PGM2: variants seen among roughly 807,000 people sequenced by gnomAD.
The protein encoded by PGM2 is phosphopentomutase.
In PGM2, 57 loss-of-function variants were observed where a neutral mutation model predicts 74.6. The observed-to-expected ratio is 0.76, with a 90% CI of 0.62 to 0.95. The LOEUF (loss-of-function observed/expected upper bound fraction) is 0.95. Among genes scored for constraint, PGM2 ranks in the 40% least tolerant of loss-of-function variants. PGM2 has a pLI of 0.00. For synonymous variants in PGM2, 273 were observed against 260.7 expected, an observed-to-expected ratio of 1.05 and a Z score of -0.46; for missense variants, 706 against 741.9, an observed-to-expected ratio of 0.95 and a Z score of 0.56.
intron 12 of PGM2, among the ~76,000 whole-genome samples, chr4:37,850,991 A>AT (rs11404804): frequency 1.1e-3 from 1 of 888 alleles, no homozygotes. Flanking sequence ...ACTTCATCTC[A>AT]AAAAAAAAAA....
intron 1 of PGM2, among the ~76,000 whole-genome samples, chr4:37,829,648 A>C (rs537850684): frequency 6.6e-6 from 1 of 152,190 alleles, no homozygotes; most frequent in Admixed American, 6.5e-5. Context: ...TGAGAACTGG[A>C]ATAATCTGCG....
At chr4:37,839,411 G>A (rs1560414369) in intron 4 of PGM2, 2 of 378,368 alleles carry the variant, frequency 5.3e-6, no homozygotes, top group Non-Finnish European at 5.2e-6. Context: ...CACCACCCCT[G>A]GCCCCTCAGT....
At chr4:37,827,559 C>T (rs1171240824) in intron 1 of PGM2, among the ~76,000 whole-genome samples, 2 of 151,478 alleles carry the variant, frequency 1.3e-5, no homozygotes, top group African/African-American at 4.9e-5. Flanking sequence ...CCCGTTGTGA[C>T]TCATATTTTG....
intron 4 of PGM2, chr4:37,839,420 G>A: frequency 2.6e-6 from 1 of 385,592 alleles, no homozygotes. Context: ...TGGCCCCTCA[G>A]TGTTTTCCTC....
At chr4:37,831,399 G>A (rs1006873079) in intron 2 of PGM2, among the ~76,000 whole-genome samples, 4 of 152,120 alleles carry the variant, frequency 2.6e-5, no homozygotes, top group African/African-American at 7.2e-5. Flanking sequence ...ACAAATCATT[G>A]AAAACATAAT....
chr4:37,860,531 A>C (rs1034484480), intron 13 of PGM2, among the ~76,000 whole-genome samples: 7 of 152,246 alleles, frequency 4.6e-5, no homozygotes, highest in Non-Finnish European at 1.0e-4. Context: ...TAGAGCCAGA[A>C]TTAATGTCTA....
intron 1 of PGM2, among the ~76,000 whole-genome samples, chr4:37,827,498 G>A (rs1725324145): frequency 6.6e-6 from 1 of 151,932 alleles, no homozygotes; most frequent in African/African-American, 2.4e-5. Flanking sequence ...TCTGCTTGCT[G>A]TTAGGTTTTC....
chr4:37,849,782 A>ATTTAT (rs1275460503), intron 11 of PGM2, among the ~76,000 whole-genome samples: 7 of 151,260 alleles, frequency 4.6e-5, no homozygotes, highest in Non-Finnish European at 1.0e-4. Flanking sequence ...TTATTTTATT[A>ATTTAT]TTTATTTTAT....
intron 7 of PGM2, among the ~76,000 whole-genome samples, chr4:37,844,757 C>T (rs1725821129): frequency 6.6e-6 from 1 of 152,132 alleles, no homozygotes; most frequent in Non-Finnish European, 1.5e-5. Flanking sequence ...CACTTGAGGT[C>T]AGGTGTTCGA....
At chr4:37,839,737 A>T in intron 4 of PGM2, 111 bp from the exon 5 acceptor site, 1 of 704,172 alleles carries the variant, frequency 1.4e-6, no homozygotes, top group Non-Finnish European at 2.6e-6. Flanking sequence ...TTTATATATT[A>T]TGTTTATTAA....
At chr4:37,856,320 G>A (rs553222049) in intron 13 of PGM2, among the ~76,000 whole-genome samples, 1 of 152,168 alleles carries the variant, frequency 6.6e-6, no homozygotes, top group African/African-American at 2.4e-5. Context: ...GGTAGGCGGA[G>A]CTTGCAGTGA....
chr4:37,826,915 A>G, intron 1 of PGM2, 102 bp downstream of exon 1: 1 of 684,864 alleles, frequency 1.5e-6, no homozygotes, highest in Non-Finnish European at 2.4e-6. Context: ...CTTCCCGCCC[A>G]GTGCATCCCG....
At chr4:37,844,902 A>G (rs752517863) in intron 7 of PGM2, among the ~76,000 whole-genome samples, 1 of 145,030 alleles carries the variant, frequency 6.9e-6, no homozygotes, top group East Asian at 2.1e-4. Flanking sequence ...TGAGAGATGG[A>G]GGTTGCAGTG....
chr4:37,847,560 A>G (rs990045845), intron 10 of PGM2: 1 of 398,846 alleles, frequency 2.5e-6, no homozygotes, highest in Non-Finnish European at 4.7e-6. Context: ...CTGCCGGTAC[A>G]TGTATTTTGG....
chr4:37,829,767 A>G (rs1388991848), intron 1 of PGM2, among the ~76,000 whole-genome samples, 197 bp from the exon 2 acceptor site: 1 of 152,102 alleles, frequency 6.6e-6, no homozygotes, highest in Non-Finnish European at 1.5e-5. Flanking sequence ...CTTGACAGGA[A>G]AGAAAAGAAC....
At chr4:37,854,932 C>A (rs1428026386) in intron 12 of PGM2, among the ~76,000 whole-genome samples, 1 of 152,086 alleles carries the variant, frequency 6.6e-6, no homozygotes, top group Non-Finnish European at 1.5e-5. Flanking sequence ...AAATTGTATA[C>A]ATTTATGATG....
intron 12 of PGM2, 142 bp downstream of exon 12, chr4:37,850,515 T>C: frequency 1.9e-6 from 1 of 535,968 alleles, no homozygotes; most frequent in East Asian, 3.5e-5. Context: ...AAAAAATATA[T>C]GGAAGCCGGA....
intron 7 of PGM2, among the ~76,000 whole-genome samples, 165 bp downstream of exon 7, chr4:37,844,718 A>T (rs567092987): frequency 6.9e-4 from 105 of 152,272 alleles, no homozygotes; most frequent in African/African-American, 2.3e-3. Flanking sequence ...CTGTAATCCC[A>T]GCACTTTGGG....
In PGM2 at chr4:37,861,609, C is replaced by A. The variant is rs763912092; in HGVS notation, c.1836C>A (p.Asp612Glu). The A allele has an allele frequency of 1.3e-6, 2 of 1,598,256 alleles. No individual in the cohort carries two copies. The highest frequency in any genetic ancestry group is 1.7e-6 in the Non-Finnish European group (2 of 1,165,718). ...AGTACAATCTGCAGCCAAAAGCAGACTAAAATAGTCCAGCCTTGGGTATAC... is the reference window on the plus strand; with the variant it reads ...AGTACAATCTGCAGCCAAAAGCAGAATAAAATAGTCCAGCCTTGGGTATAC... The part of the protein sequence containing the change: ...PQKYNLQPKA[D>E] The change falls in exon 14 of 14, where the codon GAC becomes GAA. Residue 612 changes from aspartate to glutamate, a missense_variant. Asp to Glu is a conservative substitution (Grantham distance 45, BLOSUM62 2). This residue lies in a region of PGM2 where 359 missense variants were observed against 371.1 expected (regional missense o/e 0.97). Coordinates refer to ENST00000381967, the MANE Select transcript of PGM2 (RefSeq NM_018290.4).
Sources: allele counts gnomAD v4.1 joint callset (sites outside exome capture counted in the v4.1 genomes callset), GRCh38; gene constraint gnomAD v4.1.1; regional missense constraint gnomAD v4.1.1; transcripts MANE v1.5; gene names NCBI Gene and HGNC (gene_info 2026-07-23, HGNC 2026-07-21).